Variants in KALRN observed in about 807,000 individuals in gnomAD.
KALRN encodes the protein kalirin.
In KALRN, 70 loss-of-function variants were observed where a neutral mutation model predicts 353.7. That is an observed-to-expected ratio of 0.20 (90% CI 0.16 to 0.24). The LOEUF is 0.24. Among genes scored for constraint, KALRN ranks in the 10% least tolerant of loss-of-function variants. KALRN has a pLI of 1.00. For missense variants in KALRN, 2,791 were observed against 3,756.7 expected, an observed-to-expected ratio of 0.74 and a Z score of 6.72; for synonymous variants, 1,391 against 1,434.8, an observed-to-expected ratio of 0.97 and a Z score of 0.69.
chr3:124,559,924 G>A (rs1043596315), intron 33 of KALRN, among the ~76,000 whole-genome samples: 1 of 152,196 alleles, frequency 6.6e-6, no homozygotes, highest in African/African-American at 2.4e-5. Flanking sequence ...TAAAGCTTGA[G>A]CCCGGTTGTC....
intron 28 of KALRN, among the ~76,000 whole-genome samples, chr3:124,484,689 G>A (rs894810614): frequency 1.3e-5 from 2 of 152,210 alleles, no homozygotes; most frequent in Non-Finnish European, 2.9e-5. Context: ...CATTCTTTAC[G>A]TGTGGCTATT....
At chr3:124,041,917 G>A (rs1307855093) in intron 1 of KALRN, among the ~76,000 whole-genome samples, 1 of 152,204 alleles carries the variant, frequency 6.6e-6, no homozygotes, top group African/African-American at 2.4e-5. Flanking sequence ...AGAAGAAACT[G>A]TAGGAGAATT....
chr3:124,093,324 G>C (rs2061236381), intron 1 of KALRN, among the ~76,000 whole-genome samples: 1 of 152,236 alleles, frequency 6.6e-6, no homozygotes, highest in South Asian at 2.1e-4. Flanking sequence ...TGTTAGGACA[G>C]TGAGAAGGCA....
intron 10 of KALRN, among the ~76,000 whole-genome samples, chr3:124,375,329 G>A (rs2086443614): frequency 6.6e-6 from 1 of 152,166 alleles, no homozygotes; most frequent in Non-Finnish European, 1.5e-5. Flanking sequence ...GCTGTCTATT[G>A]TTCCCTCTGG....
rs536904326 is a variant in KALRN at position 124,456,732 on chromosome 3, C to G, written c.3854+4C>G. 3.7e-6 allele frequency: 6 copies of G among 1,604,816 alleles called. No homozygotes were observed. In the South Asian group the frequency reaches 5.5e-5, roughly 15 times the overall value. On this transcript the variant is annotated splice_donor_region_variant and intron_variant, in intron 23 of 59. Transcript: ENST00000682506. ...GGAAGTCAGCCCGGAAGAAAGAGTACGTGTTGGCTTCCGCCCAGCTAGCTG... is the reference window on the plus strand; with the variant it reads ...GGAAGTCAGCCCGGAAGAAAGAGTAGGTGTTGGCTTCCGCCCAGCTAGCTG...
chr3:124,349,142 C>A (rs1047398639), intron 10 of KALRN, among the ~76,000 whole-genome samples: 2 of 152,134 alleles, frequency 1.3e-5, no homozygotes, highest in African/African-American at 4.8e-5. Flanking sequence ...TATTATTTAG[C>A]CTTAAAAAGG....
intron 5 of KALRN, among the ~76,000 whole-genome samples, chr3:124,269,815 G>A (rs2073949042): frequency 6.6e-6 from 1 of 152,228 alleles, no homozygotes; most frequent in Admixed American, 6.5e-5. Context: ...GACATGCAGG[G>A]AAACGGATGT....
intron 37 of KALRN, among the ~76,000 whole-genome samples, chr3:124,646,884 A>T (rs1559760178): frequency 6.6e-6 from 1 of 152,070 alleles, no homozygotes; most frequent in Non-Finnish European, 1.5e-5. Flanking sequence ...CAGAGTACTT[A>T]AAATTTAAGT....
chr3:124,513,223 G>T (rs755194888), intron 33 of KALRN, among the ~76,000 whole-genome samples: 2 of 152,124 alleles, frequency 1.3e-5, no homozygotes, highest in Non-Finnish European at 2.9e-5. Flanking sequence ...GTTCTTGAAG[G>T]TTTACCCCAA....
intron 3 of KALRN, among the ~76,000 whole-genome samples, chr3:124,263,469 T>C (rs2073140347): frequency 6.6e-6 from 1 of 152,152 alleles, no homozygotes; most frequent in Non-Finnish European, 1.5e-5. Flanking sequence ...CACAGCTACC[T>C]GGAAGGCTGA....
chr3:124,701,514 A>C (rs2062338904), intron 56 of KALRN, among the ~76,000 whole-genome samples: 1 of 150,946 alleles, frequency 6.6e-6, no homozygotes. Context: ...CAGCCTCCTG[A>C]GTAGCTGGGA....
At chr3:124,436,713 A>ACG (rs2093474791) in intron 17 of KALRN, among the ~76,000 whole-genome samples, 2 of 126,338 alleles carry the variant, frequency 1.6e-5, no homozygotes, top group African/African-American at 6.2e-5. Flanking sequence ...AGATCTTCTC[A>ACG]TGTGATGCTA....
intron 13 of KALRN, among the ~76,000 whole-genome samples, chr3:124,404,659 T>TC (rs2091304424): frequency 6.6e-6 from 1 of 150,816 alleles, no homozygotes; most frequent in Non-Finnish European, 1.5e-5. Context: ...TCTTTTTCTT[T>TC]TTTTTTTTTT....
chr3:124,514,442 G>C (rs1037020076), intron 33 of KALRN, among the ~76,000 whole-genome samples: 1 of 152,108 alleles, frequency 6.6e-6, no homozygotes, highest in African/African-American at 2.4e-5. Flanking sequence ...AATCACAAAG[G>C]CTGCCTGCAA....
At chr3:124,048,725 G>A (rs558771201) in intron 1 of KALRN, among the ~76,000 whole-genome samples, 17 of 152,252 alleles carry the variant, frequency 1.1e-4, no homozygotes, top group Admixed American at 2.6e-4. Flanking sequence ...CTCGTGATCC[G>A]CCTGCCTTGG....
intron 23 of KALRN, among the ~76,000 whole-genome samples, chr3:124,458,074 G>A (rs776793321): frequency 3.3e-5 from 5 of 152,032 alleles, no homozygotes; most frequent in South Asian, 2.1e-4. Context: ...TCAGGAGTTC[G>A]AGACCGGCCT....
intron 21 of KALRN, among the ~76,000 whole-genome samples, chr3:124,454,791 A>G (rs544112420): frequency 6.6e-6 from 1 of 152,252 alleles, no homozygotes; most frequent in South Asian, 2.1e-4. Flanking sequence ...ACATTGTATT[A>G]GGTATTGTAA....
intron 51 of KALRN, among the ~76,000 whole-genome samples, chr3:124,690,999 T>A (rs961235916): frequency 1.3e-5 from 2 of 152,254 alleles, no homozygotes; most frequent in African/African-American, 4.8e-5. Context: ...CCAACATTTA[T>A]TAAATACCCT....
intron 27 of KALRN, among the ~76,000 whole-genome samples, chr3:124,479,000 T>C (rs1400662989): frequency 6.6e-6 from 1 of 152,258 alleles, no homozygotes; most frequent in Non-Finnish European, 1.5e-5. Flanking sequence ...TCCTTTCCTT[T>C]GTACTTTGTA....
Sources: allele counts gnomAD v4.1 joint callset (sites outside exome capture counted in the v4.1 genomes callset), GRCh38; gene constraint gnomAD v4.1.1; transcripts MANE v1.5; gene names NCBI Gene and HGNC (gene_info 2026-07-23, HGNC 2026-07-21).